The following CDYL variants were observed in gnomAD, a reference collection of about 807,000 sequenced individuals.
CDYL encodes the protein chromodomain Y like.
Under a neutral mutation model 47.3 loss-of-function variants are expected in CDYL, and 8 were observed. The observed-to-expected ratio is 0.17, with a 90% CI of 0.10 to 0.31. The LOEUF (loss-of-function observed/expected upper bound fraction) is 0.31. Among genes scored for constraint, CDYL ranks in the 10% least tolerant of loss-of-function variants. CDYL has a pLI of 1.00. For synonymous variants in CDYL, 266 were observed against 265.0 expected, an observed-to-expected ratio of 1.00 and a Z score of -0.04; for missense variants, 471 against 701.4, an observed-to-expected ratio of 0.67 and a Z score of 3.71.
At chr6:4,906,830 TTTC>T (rs35339643) in intron 2 of CDYL, among the ~76,000 whole-genome samples, 23,450 of 152,062 alleles carry the variant, frequency 0.15, 4,098 homozygotes, top group African/African-American at 0.43. Flanking sequence ...CCTAGTAAAA[TTTC>T]TACTTGCAAA....
chr6:4,942,431 GT>G (rs1758387326), intron 4 of CDYL, among the ~76,000 whole-genome samples: 1 of 152,134 alleles, frequency 6.6e-6, no homozygotes, highest in Non-Finnish European at 1.5e-5. Flanking sequence ...GATTGCTGTG[GT>G]TTTAAATTGC....
chr6:4,734,641 C>A, intron 2 of CDYL: 1 of 1,335,916 alleles, frequency 7.5e-7, no homozygotes, highest in East Asian at 2.5e-5. Context: ...AGTTAGACTC[C>A]TAATTCAGGA....
intron 1 of CDYL, among the ~76,000 whole-genome samples, chr6:4,785,156 A>C (rs1177381007): frequency 1.3e-5 from 2 of 152,224 alleles, no homozygotes; most frequent in African/African-American, 4.8e-5. Context: ...GTAGCCTGGA[A>C]GCAATAGGCT....
chr6:4,741,463 T>C (rs1561832780), intron 3 of CDYL, among the ~76,000 whole-genome samples: 1 of 152,214 alleles, frequency 6.6e-6, no homozygotes, highest in Non-Finnish European at 1.5e-5. Context: ...GCTGCTTTGG[T>C]AGCTCCATGA....
At chr6:4,720,048 T>A (rs1180916010) in intron 2 of CDYL, among the ~76,000 whole-genome samples, 2 of 152,230 alleles carry the variant, frequency 1.3e-5, no homozygotes, top group Non-Finnish European at 2.9e-5. Context: ...TACTGCATTA[T>A]TAATCGCAAA....
intron 1 of CDYL, among the ~76,000 whole-genome samples, chr6:4,866,204 A>G (rs1259488530): frequency 6.6e-6 from 1 of 152,212 alleles, no homozygotes; most frequent in African/African-American, 2.4e-5. Context: ...CAAGTACCCA[A>G]GTTAAAAATC....
At chr6:4,753,451 C>G (rs1206446809) in intron 3 of CDYL, among the ~76,000 whole-genome samples, 2 of 152,148 alleles carry the variant, frequency 1.3e-5, no homozygotes, top group African/African-American at 4.8e-5. Context: ...AATCCCTTAG[C>G]AAAATACTGA....
At chr6:4,943,283 T>A (rs1362406937) in intron 4 of CDYL, among the ~76,000 whole-genome samples, 2 of 152,182 alleles carry the variant, frequency 1.3e-5, no homozygotes, top group Non-Finnish European at 2.9e-5. Context: ...GTGCAGCTCA[T>A]GGCTGCATGT....
chr6:4,852,714 GTGATTTTTATTTGA>G (rs1238876683), intron 1 of CDYL, among the ~76,000 whole-genome samples: 2 of 151,960 alleles, frequency 1.3e-5, no homozygotes, highest in African/African-American at 4.8e-5. Flanking sequence ...TTGTGGGTTT[GTGATTTTTATTTGA>G]TGATTCAAAT....
chr6:4,943,448 T>C, intron 4 of CDYL, 98 bp from the exon 5 acceptor site: 2 of 849,314 alleles, frequency 2.4e-6, no homozygotes, highest in Non-Finnish European at 3.7e-6. Context: ...AGGATTTCCG[T>C]AGCATTTACA....
At position 4,706,841 on chromosome 6, in the gene CDYL, T is replaced by C. The variant is rs375025717; in HGVS notation, c.-39+590T>C. Among the ~76,000 whole-genome samples the C allele has an allele frequency of 4.6e-5, 7 of 152,122 alleles. No homozygotes were observed. The South Asian group carries it at 6.2e-4, about 14-fold the overall frequency. On this transcript the variant is annotated intron_variant, in intron 1 of 8. Coordinates refer to the CDYL transcript ENST00000328908. ...GAGGAGCAGAGAGTGGCAAAGCAGA[T>C]TGAGGACAGACTTCAGAAGGCCTTG... is the stretch of plus-strand genomic sequence containing the variant.
intron 2 of CDYL, among the ~76,000 whole-genome samples, chr6:4,908,060 A>G (rs1027728607): frequency 3.9e-5 from 6 of 152,168 alleles, no homozygotes; most frequent in Non-Finnish European, 8.8e-5. Context: ...TCATTCCTCA[A>G]TGTACTTGGT....
upstream of CDYL, among the ~76,000 whole-genome samples, chr6:4,771,630 C>T (rs187684053): frequency 4.6e-5 from 7 of 152,306 alleles, no homozygotes; most frequent in Middle Eastern, 6.8e-3. Context: ...TTCTGGGTTC[C>T]CCCACTTCTG....
Position 4,796,870 on chromosome 6 carries a change from T to C in CDYL, c.24+20063T>C, listed in dbSNP as rs750280835. Among the ~76,000 whole-genome samples, 7 of 152,332 alleles carry C rather than the reference T, an allele frequency of 4.6e-5. No individual in the cohort carries two copies. In the Middle Eastern group the frequency reaches 0.017, roughly 370 times the overall value. On this transcript the variant is annotated intron_variant, in intron 1 of 6. Coordinates refer to ENST00000397588, the MANE Select transcript of CDYL (RefSeq NM_004824.4). ...TTTGGAATTCTTAGTGTTTGCTGTT[T>C]ATCATTCTTCTTGGCTTACTTTTAG...
At chr6:4,714,548 A>T (rs1010560421) in intron 1 of CDYL, 18 of 152,306 alleles carry the variant, frequency 1.2e-4, no homozygotes, top group African/African-American at 3.6e-4. Flanking sequence ...CTGGGCCCCC[A>T]TCACAGCACT....
chr6:4,721,373 G>A (rs952506112), intron 2 of CDYL, among the ~76,000 whole-genome samples: 4 of 151,910 alleles, frequency 2.6e-5, no homozygotes, highest in Non-Finnish European at 4.4e-5. Context: ...GGGGAGGGGA[G>A]GGGTGTTGTT....
Position 4,952,164 on chromosome 6 carries a change from G to C in CDYL, c.1333-102G>C, listed in dbSNP as rs1015600272. The C allele has an allele frequency of 4.3e-5, 58 of 1,360,784 alleles. No homozygotes were observed. In the Admixed American group the frequency reaches 1.3e-3, roughly 30 times the overall value. 84.3% of individuals were successfully genotyped at this position (1,360,784 alleles called of 1,614,324 possible). On this transcript the variant is annotated intron_variant, in intron 5 of 6. Coordinates refer to ENST00000397588, the MANE Select transcript of CDYL (RefSeq NM_004824.4). ...ATGTGCCCCATTTCCCTGCGGGGCT[G>C]GTATTTGTGAATGTTTCCCTTCGGT... is the stretch of plus-strand genomic sequence containing the variant.
chr6:4,807,040 G>C (rs886396034), intron 1 of CDYL, among the ~76,000 whole-genome samples: 1 of 152,150 alleles, frequency 6.6e-6, no homozygotes, highest in Non-Finnish European at 1.5e-5. Flanking sequence ...TCCTCTGTGC[G>C]TGCGTGCACC....
intron 1 of CDYL, among the ~76,000 whole-genome samples, chr6:4,844,499 A>G (rs1182823981): frequency 6.6e-6 from 1 of 152,178 alleles, no homozygotes; most frequent in Non-Finnish European, 1.5e-5. Context: ...GCAAAAGTTA[A>G]GGAGGTGAGT....
Sources: allele counts gnomAD v4.1 joint callset (sites outside exome capture counted in the v4.1 genomes callset), GRCh38; gene constraint gnomAD v4.1.1; transcripts MANE v1.5; gene names NCBI Gene and HGNC (gene_info 2026-07-23, HGNC 2026-07-21).